CNTN6: variants seen among roughly 807,000 people sequenced by gnomAD.
CNTN6 encodes the protein contactin 6.
In CNTN6, 137 loss-of-function variants were observed where a neutral mutation model predicts 122.8. The ratio of observed to expected loss-of-function variants is 1.12; its 90% confidence interval spans 0.97 to 1.29. CNTN6 has a LOEUF of 1.29. Ranked by LOEUF, CNTN6 falls within the 50% of genes most tolerant of loss-of-function variation. The pLI is 0.00. For synonymous variants in CNTN6, 570 were observed against 426.0 expected (o/e 1.34, Z -4.16); for missense variants, 1,634 against 1,223.4 (o/e 1.34, Z -5.01).
chr3:1,330,869 G>A (rs1417594216), intron 11 of CNTN6, among the ~76,000 whole-genome samples: 2 of 151,880 alleles, frequency 1.3e-5, no homozygotes, highest in Non-Finnish European at 2.9e-5. Flanking sequence ...AAAAAGGATA[G>A]TCACAACTCC....
At chr3:1,244,817 G>A (rs1250277297) in intron 4 of CNTN6, among the ~76,000 whole-genome samples, 1 of 151,674 alleles carries the variant, frequency 6.6e-6, no homozygotes, top group Non-Finnish European at 1.5e-5. Flanking sequence ...GTGGGCAGGG[G>A]TGGATCTCAC....
intron 2 of CNTN6, among the ~76,000 whole-genome samples, chr3:1,150,691 G>C (rs747000388): frequency 6.6e-6 from 1 of 152,138 alleles, no homozygotes; most frequent in Non-Finnish European, 1.5e-5. Context: ...TCATTGATAT[G>C]CATGACAGGC....
At chr3:1,267,759 C>T (rs1237609473) in intron 4 of CNTN6, among the ~76,000 whole-genome samples, 1 of 151,884 alleles carries the variant, frequency 6.6e-6, no homozygotes. Context: ...TTTTTGGCGT[C>T]CTGGGAATAA....
intron 5 of CNTN6, among the ~76,000 whole-genome samples, chr3:1,285,115 A>G (rs1316983856): frequency 1.3e-5 from 2 of 152,216 alleles, no homozygotes; most frequent in East Asian, 1.9e-4. Context: ...GATTGTGTTA[A>G]TTCAGGTGAG....
intron 5 of CNTN6, among the ~76,000 whole-genome samples, chr3:1,281,050 A>G (rs1351483642): frequency 6.6e-6 from 1 of 152,148 alleles, no homozygotes. Flanking sequence ...GATCATGCCC[A>G]CAAAAGCTGA....
At chr3:1,103,711 T>G (rs1024542308) in intron 1 of CNTN6, among the ~76,000 whole-genome samples, 2 of 152,172 alleles carry the variant, frequency 1.3e-5, no homozygotes, top group African/African-American at 4.8e-5. Context: ...CTGAGCCAAT[T>G]GCTTTTACCA....
At chr3:1,152,203 A>T (rs2092860458) in intron 2 of CNTN6, among the ~76,000 whole-genome samples, 1 of 151,806 alleles carries the variant, frequency 6.6e-6, no homozygotes, top group Non-Finnish European at 1.5e-5. Context: ...CAGTGGCGTG[A>T]TATCAGCTCA....
At chr3:1,202,569 A>C (rs199560478) in intron 2 of CNTN6, among the ~76,000 whole-genome samples, 14,932 of 141,522 alleles carry the variant, frequency 0.11, 1,679 homozygotes, top group East Asian at 0.5. Context: ...TAAATAAATA[A>C]ATAAATAAAT....
intron 17 of CNTN6, among the ~76,000 whole-genome samples, chr3:1,381,397 C>A (rs549966781): frequency 5.3e-5 from 8 of 152,236 alleles, no homozygotes; most frequent in Non-Finnish European, 7.4e-5. Context: ...TTAGACTGTT[C>A]CACATGGCAA....
intron 1 of CNTN6, among the ~76,000 whole-genome samples, chr3:1,133,339 G>C (rs998266336): frequency 1.3e-5 from 2 of 151,892 alleles, no homozygotes; most frequent in African/African-American, 4.8e-5. Flanking sequence ...TACTTTTGTA[G>C]TAATAATAAT....
chr3:1,258,712 C>T (rs1023410627), intron 4 of CNTN6, among the ~76,000 whole-genome samples: 5 of 152,066 alleles, frequency 3.3e-5, no homozygotes, highest in East Asian at 1.9e-4. Context: ...CCCTGAAGAC[C>T]TATATCTCCA....
chr3:1,392,004 C>T (rs1694225174), intron 20 of CNTN6, among the ~76,000 whole-genome samples: 5 of 152,246 alleles, frequency 3.3e-5, no homozygotes, highest in African/African-American at 9.6e-5. Context: ...AGATTTAATG[C>T]CATCCCCACC....
chr3:1,275,876 C>T (rs1246362439), intron 4 of CNTN6, among the ~76,000 whole-genome samples: 1 of 152,152 alleles, frequency 6.6e-6, no homozygotes, highest in African/African-American at 2.4e-5. Flanking sequence ...TGTTCGCTTG[C>T]CTGCCACTCA....
At position 1,385,643 on chromosome 3, in the gene CNTN6, C is replaced by CATG. The variant is rs1445799526; in HGVS notation, c.2553_2555dup (p.Met851dup). 3 of 1,613,720 alleles carry CATG rather than the reference C, an allele frequency of 1.9e-6. No individual in the cohort carries two copies. The Admixed American group carries it at 5.0e-5, about 27-fold the overall frequency. The stretch of plus-strand genomic sequence containing the variant: ...ACTGGACAGATGACTCCAAAGAATC[C>CATG]ATGATAGGTAAAATTAGAGTCAGTG... On this transcript the variant is annotated inframe_insertion, in exon 20 of 23. Transcript: ENST00000446702.
At position 1,385,726 on chromosome 3, in the gene CNTN6, C is replaced by A; in HGVS notation, c.2633C>A (p.Ser878Tyr). The A allele has an allele frequency of 6.2e-7, 1 of 1,614,128 alleles. No homozygotes were observed. Among genetic ancestry groups the A allele is most frequent in the Non-Finnish European group, 8.5e-7 (1 of 1,179,968 alleles). Residue 878 changes from serine (S) to tyrosine (Y), a missense_variant, in exon 20 of 23, where the codon TCC (serine) becomes TAC (tyrosine). By Grantham distance (144) the Ser-to-Tyr change is moderately radical (BLOSUM62 -2). Coordinates refer to ENST00000446702, the MANE Select transcript of CNTN6 (RefSeq NM_001289080.2). ...GLKANTIYFA[S>Y]VRAYNTAGTG... The stretch of plus-strand genomic sequence containing the variant: ...AAAGCTAATACCATCTACTTTGCTT[C>A]CGTAAGAGCTTACAACACTGCTGGG...
intron 3 of CNTN6, among the ~76,000 whole-genome samples, chr3:1,221,900 G>A (rs1369468710): frequency 6.6e-6 from 1 of 151,880 alleles, no homozygotes. Flanking sequence ...AGTGTATTTT[G>A]GCAAAATAAG....
At chr3:1,202,526 G>A (rs900385506) in intron 2 of CNTN6, among the ~76,000 whole-genome samples, 1 of 147,852 alleles carries the variant, frequency 6.8e-6, no homozygotes, top group Non-Finnish European at 1.5e-5. Flanking sequence ...GGGCGACAGA[G>A]CCAGACTCCG....
chr3:1,216,011 G>C (rs1336344855), intron 2 of CNTN6, among the ~76,000 whole-genome samples: 5 of 152,070 alleles, frequency 3.3e-5, no homozygotes, highest in Admixed American at 2.0e-4. Flanking sequence ...ATTATTATTG[G>C]AAGAGACTTC....
chr3:1,350,256 G>C (rs1705420906), intron 11 of CNTN6, among the ~76,000 whole-genome samples: 1 of 151,666 alleles, frequency 6.6e-6, no homozygotes, highest in African/African-American at 2.4e-5. Context: ...ATTTTGAGGA[G>C]TAAACACATG....
Sources: allele counts gnomAD v4.1 joint callset (sites outside exome capture counted in the v4.1 genomes callset), GRCh38; gene constraint gnomAD v4.1.1; transcripts MANE v1.5; gene names NCBI Gene and HGNC (gene_info 2026-07-23, HGNC 2026-07-21).